The following TMEM135 variants were observed in gnomAD, a reference collection of about 807,000 sequenced individuals.
The protein encoded by TMEM135 is peroxisomal membrane protein 52.
Under a neutral mutation model 60.3 loss-of-function variants are expected in TMEM135, and 30 were observed. The ratio of observed to expected loss-of-function variants is 0.50; its 90% CI spans 0.37 to 0.68. TMEM135 has a LOEUF of 0.68. Ranked by LOEUF, TMEM135 falls within the 30% of genes least tolerant of loss-of-function variation. TMEM135 has a pLI of 0.00. For synonymous variants in TMEM135, 190 were observed against 186.7 expected, an observed-to-expected ratio of 1.02 and a Z score of -0.14; for missense variants, 468 against 548.8, an observed-to-expected ratio of 0.85 and a Z score of 1.47.
intron 6 of TMEM135, among the ~76,000 whole-genome samples, chr11:87,287,252 C>T (rs891165010): frequency 6.6e-6 from 1 of 152,160 alleles, no homozygotes; most frequent in Admixed American, 6.5e-5. Flanking sequence ...ACAATGTCTT[C>T]TGTATATTAG....
chr11:87,222,499 C>CAAA (rs748866211), intron 5 of TMEM135, among the ~76,000 whole-genome samples: 2 of 100,088 alleles, frequency 2.0e-5, no homozygotes, highest in Admixed American at 2.1e-4. Flanking sequence ...ACTCCGTCTC[C>CAAA]AAAAAAAAAA....
chr11:87,091,714 A>G (rs1857209862), intron 4 of TMEM135, among the ~76,000 whole-genome samples: 1 of 151,990 alleles, frequency 6.6e-6, no homozygotes, highest in Non-Finnish European at 1.5e-5. Flanking sequence ...TTATATATCT[A>G]ATTTCATATT....
At chr11:87,228,559 G>T (rs1273505271) in intron 5 of TMEM135, among the ~76,000 whole-genome samples, 2 of 152,132 alleles carry the variant, frequency 1.3e-5, no homozygotes, top group African/African-American at 2.4e-5. Context: ...ATGAATACGG[G>T]GGGAGATGAG....
chr11:87,309,073 C>T lies in TMEM135; in HGVS notation c.769-432C>T, dbSNP rs541258272. The stretch of plus-strand genomic sequence containing the variant: ...TATTTTTCTATGAAAATAATCCCTA[C>T]TCATGCTAATCATTAAGAGCAGTTT... On this transcript the variant is annotated intron_variant, in intron 9 of 14. Transcript: ENST00000305494. Among the ~76,000 whole-genome samples, 11 of 152,304 alleles carry T rather than the reference C, an allele frequency of 7.2e-5. No homozygotes were observed. In the East Asian group the frequency reaches 1.9e-3, roughly 27 times the overall value.
intron 6 of TMEM135, among the ~76,000 whole-genome samples, chr11:87,238,628 G>A (rs780464844): frequency 1.3e-5 from 2 of 151,944 alleles, no homozygotes; most frequent in Non-Finnish European, 2.9e-5. Flanking sequence ...TTAGAAGTGG[G>A]TTGTGGGAGT....
chr11:87,236,531 CTTTTATTGTTTCAGGCACAAGATT>C, intron 5 of TMEM135, 83 bp from the exon 6 acceptor site: 1 of 934,806 alleles, frequency 1.1e-6, no homozygotes, highest in Admixed American at 1.8e-5. Context: ...TTTGTATATC[CTTTTATTGTTTCAGGCACAAGATT>C]TAATAGTATT....
chr11:87,259,142 C>A, intron 6 of TMEM135: 1 of 685,402 alleles, frequency 1.5e-6, no homozygotes. Flanking sequence ...ATAGTCTCTC[C>A]GACCAGGTCT....
At chr11:87,168,967 T>C (rs1352712129) in intron 5 of TMEM135, among the ~76,000 whole-genome samples, 3 of 152,124 alleles carry the variant, frequency 2.0e-5, no homozygotes, top group Non-Finnish European at 4.4e-5. Context: ...GGACTTGCTT[T>C]ATGAATCTGG....
Position 87,240,838 on chromosome 11 carries a change from A to G in TMEM135, c.509+4154A>G, listed in dbSNP as rs568980986. Among the ~76,000 whole-genome samples, 19 of 152,248 alleles carry G rather than the reference A, an allele frequency of 1.2e-4. No homozygotes were observed. In the South Asian group the frequency reaches 3.3e-3, roughly 27 times the overall value. On this transcript the variant is annotated intron_variant, in intron 6 of 14. Transcript: ENST00000305494. ...AGTACCAGCTAGAAATTCTTTCCAC[A>G]TCCCTTTGCAAAAGCAACAACAAAT...
intron 1 of TMEM135, among the ~76,000 whole-genome samples, chr11:87,057,973 TC>T (rs1426627774): frequency 6.6e-6 from 1 of 152,112 alleles, no homozygotes; most frequent in Non-Finnish European, 1.5e-5. Flanking sequence ...TGGTGTAAGT[TC>T]CAGTCTGGAA....
At chr11:87,091,768 G>A (rs1029333272) in intron 4 of TMEM135, among the ~76,000 whole-genome samples, 6 of 151,898 alleles carry the variant, frequency 4.0e-5, no homozygotes, top group African/African-American at 1.4e-4. Flanking sequence ...ATATAAGGAT[G>A]GGTTTTTATG....
At chr11:87,299,537 C>T (rs1942408303) in intron 7 of TMEM135, among the ~76,000 whole-genome samples, 1 of 152,140 alleles carries the variant, frequency 6.6e-6, no homozygotes, top group Non-Finnish European at 1.5e-5. Context: ...CAGCACTCCT[C>T]AACAAGTGTG....
At chr11:87,092,747 A>G (rs1341234279) in intron 4 of TMEM135, among the ~76,000 whole-genome samples, 3 of 62,688 alleles carry the variant, frequency 4.8e-5, no homozygotes, top group African/African-American at 1.5e-4. Context: ...ATAGAATTCT[A>G]GATTGACAGT....
chr11:87,161,381 T>C (rs1490633709), intron 5 of TMEM135, among the ~76,000 whole-genome samples: 2 of 152,214 alleles, frequency 1.3e-5, no homozygotes, highest in African/African-American at 4.8e-5. Context: ...TGGGTGTTTG[T>C]GTTTAGGGTG....
chr11:87,322,841 A>C lies in TMEM135; in HGVS notation c.*1508A>C. 1 of 454,414 alleles carries C rather than the reference A, an allele frequency of 2.2e-6. No homozygotes were observed. The highest frequency in any genetic ancestry group is 1.6e-5 in the South Asian group (1 of 64,470). 28.1% of individuals were successfully genotyped at this position (454,414 alleles called of 1,614,324 possible). ...AGAGCCACTTTATCATTTGGTCAAA[A>C]TTTGGCATTATGATTAGCTTTGTAG... is the stretch of plus-strand genomic sequence containing the variant. On this transcript the variant is annotated 3_prime_UTR_variant, in exon 15 of 15. Transcript: ENST00000305494.
intron 4 of TMEM135, chr11:87,121,419 G>C (rs1341898230): frequency 6.6e-6 from 1 of 152,062 alleles, no homozygotes; most frequent in Admixed American, 6.6e-5. Context: ...AGCATGGGGT[G>C]TTACAGGTGT....
intron 5 of TMEM135, among the ~76,000 whole-genome samples, chr11:87,194,793 G>A (rs1939896012): frequency 6.6e-6 from 1 of 152,114 alleles, no homozygotes; most frequent in South Asian, 2.1e-4. Flanking sequence ...TGTACTTAGA[G>A]CTCTCGTGAA....
intron 6 of TMEM135, among the ~76,000 whole-genome samples, chr11:87,287,041 A>T (rs1942179150): frequency 6.6e-6 from 1 of 152,182 alleles, no homozygotes; most frequent in Non-Finnish European, 1.5e-5. Context: ...TTTAAATCCA[A>T]TTTTTCTTTA....
At chr11:87,091,127 G>A (rs1169551210) in intron 3 of TMEM135, among the ~76,000 whole-genome samples, 1 of 151,960 alleles carries the variant, frequency 6.6e-6, no homozygotes, top group African/African-American at 2.4e-5. Flanking sequence ...TTTACTTAAT[G>A]ACTTCTAAGA....
Sources: allele counts gnomAD v4.1 joint callset (sites outside exome capture counted in the v4.1 genomes callset), GRCh38; gene constraint gnomAD v4.1.1; transcripts MANE v1.5; gene names NCBI Gene and HGNC (gene_info 2026-07-23, HGNC 2026-07-21).